The following PRKG1 variants were observed in gnomAD, a reference collection of about 807,000 sequenced individuals.
PRKG1 encodes the protein protein kinase cGMP-dependent 1, also known as cGMP-dependent protein kinase 1.
A neutral mutation model predicts 88.1 loss-of-function variants in PRKG1; 35 were observed. That is an observed-to-expected ratio of 0.40 (90% CI 0.30 to 0.53). PRKG1 has a LOEUF of 0.53. PRKG1 is among the 20% of genes least tolerant of loss of function. The probability of loss-of-function intolerance (pLI) is 0.59; values close to 1 mark genes in which losing one functional copy is unlikely to be tolerated. For missense variants in PRKG1, 540 were observed against 839.8 expected (o/e 0.64, Z 4.41); for synonymous variants, 303 against 292.5 (o/e 1.04, Z -0.37).
chr10:51,949,136 C>T (rs981106198), intron 5 of PRKG1, among the ~76,000 whole-genome samples: 3 of 152,076 alleles, frequency 2.0e-5, no homozygotes, highest in African/African-American at 7.2e-5. Flanking sequence ...ATGAAGCCTA[C>T]AATTTAATGA....
chr10:51,403,829 T>C (rs1837827670), intron 2 of PRKG1, among the ~76,000 whole-genome samples: 1 of 152,172 alleles, frequency 6.6e-6, no homozygotes, highest in Admixed American at 6.6e-5. Flanking sequence ...TCTATGTGCT[T>C]TATCTCATAT....
chr10:52,035,902 G>T (rs1194191180), intron 5 of PRKG1, among the ~76,000 whole-genome samples: 3 of 152,220 alleles, frequency 2.0e-5, no homozygotes, highest in Non-Finnish European at 2.9e-5. Context: ...TGTTTGGACA[G>T]AAAGGCTACA....
intron 2 of PRKG1, among the ~76,000 whole-genome samples, chr10:51,370,747 T>G (rs148740445): frequency 0.037 from 5,567 of 152,248 alleles, 131 homozygotes; most frequent in Non-Finnish European, 0.058. Flanking sequence ...ATTATGTCAA[T>G]GTGAATTAAT....
chr10:51,639,890 A>G (rs1330658412), intron 3 of PRKG1, among the ~76,000 whole-genome samples: 4 of 152,142 alleles, frequency 2.6e-5, no homozygotes, highest in Admixed American at 2.6e-4. Context: ...TCATTTTTCT[A>G]TTCAAGAGTA....
At chr10:52,197,665 C>T (rs1252820075) in intron 9 of PRKG1, among the ~76,000 whole-genome samples, 1 of 152,214 alleles carries the variant, frequency 6.6e-6, no homozygotes, top group Non-Finnish European at 1.5e-5. Context: ...GGTCAGTATA[C>T]TTCACTTACA....
chr10:51,740,614 C>T (rs1185316097), intron 3 of PRKG1, among the ~76,000 whole-genome samples: 2 of 152,102 alleles, frequency 1.3e-5, no homozygotes, highest in Non-Finnish European at 2.9e-5. Context: ...CTACCCTATA[C>T]TTCTGAGAAA....
chr10:51,619,649 A>G (rs1386282588), intron 3 of PRKG1, among the ~76,000 whole-genome samples: 1 of 152,218 alleles, frequency 6.6e-6, no homozygotes, highest in East Asian at 1.9e-4. Context: ...TTGCATTATC[A>G]TCCCAGACAG....
chr10:51,717,183 T>C (rs1157216709), intron 3 of PRKG1, among the ~76,000 whole-genome samples: 1 of 152,176 alleles, frequency 6.6e-6, no homozygotes, highest in East Asian at 1.9e-4. Context: ...GACTTAAGAC[T>C]GGGGAAGCAG....
intron 8 of PRKG1, among the ~76,000 whole-genome samples, chr10:52,143,887 T>A (rs934727115): frequency 6.6e-6 from 1 of 152,172 alleles, no homozygotes. Flanking sequence ...TATTCTGGGA[T>A]CCAGAGATAT....
intron 2 of PRKG1, among the ~76,000 whole-genome samples, chr10:51,417,843 T>C (rs1298262952): frequency 6.6e-6 from 1 of 152,188 alleles, no homozygotes; most frequent in East Asian, 1.9e-4. Flanking sequence ...ATAACTATCC[T>C]GTATCTCTTG....
chr10:51,738,964 T>C (rs1056761355), intron 3 of PRKG1, among the ~76,000 whole-genome samples: 3 of 152,182 alleles, frequency 2.0e-5, no homozygotes, highest in Non-Finnish European at 4.4e-5. Flanking sequence ...GCTGGCTTCC[T>C]AGATGTGCAT....
intron 4 of PRKG1, among the ~76,000 whole-genome samples, chr10:51,858,991 A>G (rs1463063381): frequency 2.0e-5 from 3 of 152,050 alleles, no homozygotes; most frequent in Non-Finnish European, 2.9e-5. Context: ...CTCTAACACA[A>G]TGCACTTGTC....
chr10:51,994,170 C>A (rs1844378841), intron 5 of PRKG1, among the ~76,000 whole-genome samples: 1 of 152,100 alleles, frequency 6.6e-6, no homozygotes. Context: ...GGAACTGAAG[C>A]TGCTTTTTTC....
At chr10:51,349,208 G>T (rs762421644) in intron 2 of PRKG1, among the ~76,000 whole-genome samples, 6 of 152,158 alleles carry the variant, frequency 3.9e-5, no homozygotes, top group Non-Finnish European at 8.8e-5. Context: ...GGTGCTGGAA[G>T]TGTGTACATT....
chr10:51,328,635 C>T (rs1393754972), intron 2 of PRKG1, among the ~76,000 whole-genome samples: 4 of 152,144 alleles, frequency 2.6e-5, no homozygotes, highest in African/African-American at 9.7e-5. Flanking sequence ...CCAAAGTACA[C>T]CAGGATTTCC....
intron 2 of PRKG1, among the ~76,000 whole-genome samples, chr10:51,256,195 C>G (rs190462625): frequency 1.3e-5 from 2 of 152,148 alleles, no homozygotes; most frequent in Admixed American, 6.6e-5. Flanking sequence ...AGAGCCCCCA[C>G]AGACCTCTGC....
chr10:51,085,238 ATT>A (rs1257165885), intron 1 of PRKG1, among the ~76,000 whole-genome samples: 1 of 152,218 alleles, frequency 6.6e-6, no homozygotes, highest in East Asian at 1.9e-4. Flanking sequence ...ACGTTACCTA[ATT>A]CACTGGTGAC....
chr10:51,298,218 A>G (rs1303832767), intron 2 of PRKG1, among the ~76,000 whole-genome samples: 2 of 152,196 alleles, frequency 1.3e-5, no homozygotes, highest in African/African-American at 4.8e-5. Context: ...GGCAAATGAT[A>G]CATTTGAAAT....
chr10:51,955,048 T>G (rs924209501), intron 5 of PRKG1, among the ~76,000 whole-genome samples: 1 of 151,548 alleles, frequency 6.6e-6, no homozygotes, highest in African/African-American at 2.4e-5. Flanking sequence ...TTTTCAGGTT[T>G]TGTGTGTGTG....
Sources: gnomAD v4.1 joint callset for allele counts (sites outside exome capture counted in the v4.1 genomes callset) on GRCh38, gnomAD v4.1.1 for gene constraint, MANE v1.5 for transcripts, NCBI Gene and HGNC (gene_info 2026-07-23, HGNC 2026-07-21) for gene names.